The following GMPR variants were observed in gnomAD, a reference collection of about 807,000 sequenced individuals.
GMPR encodes GMP reductase 1.
Under a neutral mutation model 38.4 loss-of-function variants are expected in GMPR, and 31 were observed. That is an observed-to-expected ratio of 0.81 (90% CI 0.61 to 1.09). GMPR has a LOEUF of 1.09. Among genes scored for constraint, GMPR ranks in the 50% least tolerant of loss-of-function variants. The probability of loss-of-function intolerance (pLI) is 0.00; values close to 1 mark genes in which losing one functional copy is unlikely to be tolerated. For missense variants in GMPR, 468 were observed against 453.7 expected, an observed-to-expected ratio of 1.03 and a Z score of -0.29; for synonymous variants, 162 against 173.3, an observed-to-expected ratio of 0.93 and a Z score of 0.51.
chr6:16,285,844 G>A lies in GMPR; in HGVS notation c.697+9G>A, dbSNP rs761543002. The A allele has an allele frequency of 1.8e-5, 29 of 1,605,642 alleles. No individual in the cohort carries two copies. The African/African-American group carries it at 2.1e-4, about 12-fold the overall frequency. Reference sequence around the variant, plus strand: ...TGTCGCCAAAGCCTTTGGTAAGGCCGGGCCCTGGTGCAGAGGGAGGGAAGG... The same window carrying A: ...TGTCGCCAAAGCCTTTGGTAAGGCCAGGCCCTGGTGCAGAGGGAGGGAAGG... On this transcript the variant is annotated intron_variant, in intron 7 of 8. Transcript: ENST00000259727.
At chr6:16,285,909 C>G in intron 7 of GMPR, 74 bp downstream of exon 7, 1 of 1,249,570 alleles carries the variant, frequency 8.0e-7, no homozygotes, top group Non-Finnish European at 1.1e-6. Flanking sequence ...CAGCTGGCAA[C>G]CTGAATGAGG....
intron 4 of GMPR, chr6:16,262,790 C>T (rs562104414): frequency 6.6e-6 from 1 of 151,984 alleles, no homozygotes; most frequent in Admixed American, 6.6e-5. Context: ...ATGAACTGGG[C>T]TGGATTTTTA....
At chr6:16,266,472 T>C (rs1485751633) in intron 4 of GMPR, among the ~76,000 whole-genome samples, 4 of 96,404 alleles carry the variant, frequency 4.1e-5, no homozygotes, top group African/African-American at 1.7e-4. Context: ...TAACACTTCC[T>C]GTGGAAAAGG....
intron 4 of GMPR, among the ~76,000 whole-genome samples, chr6:16,268,501 A>T (rs1163260359): frequency 1.3e-5 from 2 of 152,138 alleles, no homozygotes; most frequent in East Asian, 3.9e-4. Context: ...CTGGTCTCGA[A>T]CTCCTGACCT....
chr6:16,266,788 CAAAA>C (rs913483235), intron 4 of GMPR, among the ~76,000 whole-genome samples: 9 of 151,298 alleles, frequency 5.9e-5, no homozygotes, highest in Non-Finnish European at 1.2e-4. Context: ...GACTCCGTCT[CAAAA>C]AACAAACAAA....
chr6:16,295,293 G>A lies in GMPR; in HGVS notation c.*107G>A. ...GAGCTTCTGGCTGCTCCTGAATGGT[G>A]GAATGCTGTGTCCTCTCTTCTGTCT... On this transcript the variant is annotated 3_prime_UTR_variant, in exon 9 of 9. Coordinates refer to ENST00000259727, the MANE Select transcript of GMPR (RefSeq NM_006877.4). 1 of 817,470 alleles carries A rather than the reference G, an allele frequency of 1.2e-6. No individual in the cohort carries two copies. The highest frequency in any genetic ancestry group is 3.2e-5 in the East Asian group (1 of 31,166). 50.6% of individuals were successfully genotyped at this position (817,470 alleles called of 1,614,324 possible). A position where few individuals can be genotyped will look rare whatever the true frequency, so the allele number is the denominator to read the frequency against.
chr6:16,282,278 C>T (rs531251713), intron 6 of GMPR, among the ~76,000 whole-genome samples: 8 of 133,056 alleles, frequency 6.0e-5, no homozygotes, highest in African/African-American at 2.0e-4. Flanking sequence ...ATACTTCCTG[C>T]ATAGGTGAAG....
At chr6:16,250,933 T>C (rs535477698) in intron 3 of GMPR, among the ~76,000 whole-genome samples, 118 of 152,074 alleles carry the variant, frequency 7.8e-4, no homozygotes, top group Non-Finnish European at 1.2e-3. Flanking sequence ...GGAACCCTTA[T>C]TCACTGCTGG....
At chr6:16,279,592 G>A (rs924039887) in intron 6 of GMPR, among the ~76,000 whole-genome samples, 1 of 152,214 alleles carries the variant, frequency 6.6e-6, no homozygotes, top group Non-Finnish European at 1.5e-5. Flanking sequence ...GGTCAGGGAA[G>A]GTTTCCTGGA....
At chr6:16,253,924 T>G (rs1758923403) in intron 3 of GMPR, among the ~76,000 whole-genome samples, 1 of 152,100 alleles carries the variant, frequency 6.6e-6, no homozygotes, top group Non-Finnish European at 1.5e-5. Flanking sequence ...ATTATTTTTT[T>G]TTTTAGTGGC....
At chr6:16,289,183 C>T (rs573518411) in intron 7 of GMPR, among the ~76,000 whole-genome samples, 11 of 152,184 alleles carry the variant, frequency 7.2e-5, no homozygotes, top group South Asian at 2.1e-4. Flanking sequence ...CATTTTTGAG[C>T]TAGCGCAGAC....
At chr6:16,266,119 AGC>A (rs1220670851) in intron 4 of GMPR, among the ~76,000 whole-genome samples, 2 of 58,098 alleles carry the variant, frequency 3.4e-5, no homozygotes, top group African/African-American at 3.5e-4. Flanking sequence ...CATCTTTAAG[AGC>A]TGTAACACTT....
At chr6:16,277,382 G>A (rs1484980337) in intron 5 of GMPR, among the ~76,000 whole-genome samples, 1 of 152,168 alleles carries the variant, frequency 6.6e-6, no homozygotes, top group Non-Finnish European at 1.5e-5. Flanking sequence ...CCGGCCAGGA[G>A]CCGGAGATTA....
chr6:16,289,251 TCA>T (rs1759774105), intron 7 of GMPR, among the ~76,000 whole-genome samples: 1 of 152,112 alleles, frequency 6.6e-6, no homozygotes, highest in Admixed American at 6.5e-5. Context: ...GCTGTTACAC[TCA>T]CAGTGAGAGT....
intron 4 of GMPR, among the ~76,000 whole-genome samples, chr6:16,263,886 CATGCCCCTCCTCT>C (rs1759138685): frequency 1.3e-5 from 2 of 151,076 alleles, no homozygotes. Flanking sequence ...GGTTGGGGTA[CATGCCCCTCCTCT>C]AGAAAAGTGG....
At chr6:16,269,949 A>G (rs1759348880) in intron 4 of GMPR, among the ~76,000 whole-genome samples, 1 of 151,832 alleles carries the variant, frequency 6.6e-6, no homozygotes, top group East Asian at 1.9e-4. Flanking sequence ...CCTCATGTGG[A>G]TCTCTCTCAG....
chr6:16,239,406 A>T (rs766119438), intron 1 of GMPR, among the ~76,000 whole-genome samples: 1 of 152,042 alleles, frequency 6.6e-6, no homozygotes, highest in African/African-American at 2.4e-5. Context: ...GGTGGGGGCG[A>T]ATTGGAAGCC....
chr6:16,241,813 C>T (rs928746557), intron 1 of GMPR, among the ~76,000 whole-genome samples: 5 of 152,128 alleles, frequency 3.3e-5, no homozygotes, highest in African/African-American at 1.2e-4. Context: ...GTGATCTTGG[C>T]TCGCTGCAAC....
chr6:16,277,804 G>A (rs1759501146), intron 5 of GMPR, among the ~76,000 whole-genome samples: 1 of 152,148 alleles, frequency 6.6e-6, no homozygotes, highest in South Asian at 2.1e-4. Flanking sequence ...AGGCGGGCTG[G>A]TACAGAGGGG....
Sources: allele counts gnomAD v4.1 joint callset (sites outside exome capture counted in the v4.1 genomes callset), GRCh38; gene constraint gnomAD v4.1.1; transcripts MANE v1.5; gene names NCBI Gene and HGNC (gene_info 2026-07-23, HGNC 2026-07-21).